HDAC9: variants seen among roughly 807,000 people sequenced by gnomAD.
The protein encoded by HDAC9 is histone deacetylase 9.
A neutral mutation model predicts 139.4 loss-of-function variants in HDAC9; 41 were observed. The observed-to-expected ratio is 0.29, with a 90% CI of 0.23 to 0.38. The LOEUF (loss-of-function observed/expected upper bound fraction) is 0.38. HDAC9 is among the 10% of genes least tolerant of loss of function. The probability of loss-of-function intolerance (pLI) is 1.00; values close to 1 mark genes in which losing one functional copy is unlikely to be tolerated. For synonymous variants in HDAC9, 517 were observed against 476.2 expected, an observed-to-expected ratio of 1.09 and a Z score of -1.12; for missense variants, 1,147 against 1,297.0, an observed-to-expected ratio of 0.88 and a Z score of 1.78.
At chr7:18,149,516 T>C (rs1229907894) in intron 1 of HDAC9, among the ~76,000 whole-genome samples, 1 of 150,258 alleles carries the variant, frequency 6.7e-6, no homozygotes, top group Non-Finnish European at 1.5e-5. Context: ...CCACCATGCA[T>C]GGCTAAGGTT....
chr7:18,151,216 T>G (rs1271324950), intron 1 of HDAC9, among the ~76,000 whole-genome samples: 1 of 152,216 alleles, frequency 6.6e-6, no homozygotes, highest in Admixed American at 6.5e-5. Flanking sequence ...AAAGGTGGCT[T>G]TCTCACTCAG....
chr7:18,416,988 G>A (rs564017295), intron 1 of HDAC9, among the ~76,000 whole-genome samples: 2 of 151,942 alleles, frequency 1.3e-5, no homozygotes, highest in Non-Finnish European at 2.9e-5. Context: ...GAGATTTTTG[G>A]ATGGGTGAGT....
chr7:18,587,868 C>A (rs1338683625), intron 3 of HDAC9, among the ~76,000 whole-genome samples: 1 of 152,178 alleles, frequency 6.6e-6, no homozygotes, highest in Non-Finnish European at 1.5e-5. Flanking sequence ...AAATTGTGTG[C>A]TTTTCTAGAT....
chr7:18,512,185 A>G (rs1413398635), intron 2 of HDAC9, among the ~76,000 whole-genome samples: 1 of 152,178 alleles, frequency 6.6e-6, no homozygotes, highest in Non-Finnish European at 1.5e-5. Context: ...TTAATGGTAA[A>G]ATTAAAATAC....
At chr7:18,131,708 A>T (rs1489009103) in intron 1 of HDAC9, among the ~76,000 whole-genome samples, 1 of 152,160 alleles carries the variant, frequency 6.6e-6, no homozygotes, top group South Asian at 2.1e-4. Context: ...TGATGTTACG[A>T]ACAAGAGAGG....
chr7:18,543,776 A>C, intron 2 of HDAC9: 1 of 152,084 alleles, frequency 6.6e-6, no homozygotes, highest in East Asian at 1.9e-4. Context: ...GATTTTGATC[A>C]GCACCTCAAA....
At chr7:18,421,754 C>G (rs1041270113) in intron 1 of HDAC9, among the ~76,000 whole-genome samples, 1 of 152,174 alleles carries the variant, frequency 6.6e-6, no homozygotes, top group East Asian at 1.9e-4. Flanking sequence ...GTCTCTTAAC[C>G]TTAGCTCACC....
chr7:18,423,477 A>G (rs748001961), intron 1 of HDAC9, among the ~76,000 whole-genome samples: 10 of 152,260 alleles, frequency 6.6e-5, no homozygotes, highest in Non-Finnish European at 1.5e-4. Context: ...AATAGATTTA[A>G]CGAAGCACTA....
At chr7:18,808,128 C>G (rs79478119) in intron 17 of HDAC9, 1 of 152,094 alleles carries the variant, frequency 6.6e-6, no homozygotes. Flanking sequence ...TATTGAGGAA[C>G]GTCATCCTCT....
At chr7:18,989,858 C>T (rs1399471008) in intron 25 of HDAC9, among the ~76,000 whole-genome samples, 1 of 148,576 alleles carries the variant, frequency 6.7e-6, no homozygotes, top group African/African-American at 2.5e-5. Flanking sequence ...GCTCCTGAGG[C>T]TTCTGCATTC....
intron 21 of HDAC9, among the ~76,000 whole-genome samples, chr7:18,847,417 G>GA (rs543571800): frequency 3.1e-4 from 47 of 151,396 alleles, no homozygotes; most frequent in African/African-American, 9.7e-4. Context: ...ATGATACACT[G>GA]AAAAAAAAGA....
chr7:18,507,403 C>T (rs560148562), intron 2 of HDAC9, among the ~76,000 whole-genome samples: 2 of 151,734 alleles, frequency 1.3e-5, no homozygotes, highest in East Asian at 1.9e-4. Flanking sequence ...CCATGTTAGA[C>T]AGGATGGTCT....
intron 12 of HDAC9, among the ~76,000 whole-genome samples, chr7:18,702,133 G>A (rs1382677441): frequency 2.0e-5 from 3 of 152,150 alleles, no homozygotes; most frequent in Admixed American, 6.5e-5. Flanking sequence ...GTCGGATCTC[G>A]CTGACCCGTG....
At chr7:18,935,968 C>T (rs1781600280) in intron 23 of HDAC9, 26 bp downstream of exon 23, 1 of 1,600,704 alleles carries the variant, frequency 6.2e-7, no homozygotes, top group African/African-American at 1.3e-5. Flanking sequence ...TACAAAGGGG[C>T]AGGGGTAAAG....
intron 16 of HDAC9, among the ~76,000 whole-genome samples, chr7:18,774,113 C>T (rs183319161): frequency 3.6e-4 from 55 of 152,052 alleles, no homozygotes; most frequent in African/African-American, 1.3e-3. Context: ...AAACCCATAG[C>T]TTCTGAGTTT....
chr7:18,407,678 T>G lies in HDAC9; in HGVS notation c.-41-88584T>G, dbSNP rs764950898. ...TGCAAAGCATTTATGAGTTAAATGT[T>G]AGAGCACTAGGATGCACCATTCGAT... On this transcript the variant is annotated intron_variant, in intron 1 of 3. Coordinates refer to the HDAC9 transcript ENST00000413509. 8.2e-4 allele frequency among the ~76,000 whole-genome samples: 125 copies of G among 152,178 alleles called. 8 individuals carry two copies. Among genetic ancestry groups the G allele is most frequent in the Non-Finnish European group, 1.6e-4 (11 of 68,020 alleles).
At chr7:18,478,527 T>C (rs569917079) in intron 1 of HDAC9, among the ~76,000 whole-genome samples, 1 of 152,226 alleles carries the variant, frequency 6.6e-6, no homozygotes, top group African/African-American at 2.4e-5. Flanking sequence ...TTTCTCACTG[T>C]TGATAACAGA....
At chr7:18,280,140 T>C (rs1164277054) in intron 2 of HDAC9, among the ~76,000 whole-genome samples, 3 of 152,260 alleles carry the variant, frequency 2.0e-5, no homozygotes, top group East Asian at 1.9e-4. Context: ...GTGAGACTTA[T>C]GTATAATCAA....
At chr7:18,743,910 T>A (rs201799801) in intron 13 of HDAC9, among the ~76,000 whole-genome samples, 3 of 151,798 alleles carry the variant, frequency 2.0e-5, no homozygotes, top group East Asian at 3.9e-4. Flanking sequence ...TTTAAAAAAA[T>A]TTTTGTGTTT....
Sources: gnomAD v4.1 joint callset for allele counts (sites outside exome capture counted in the v4.1 genomes callset) on GRCh38, gnomAD v4.1.1 for gene constraint, MANE v1.5 for transcripts, NCBI Gene and HGNC (gene_info 2026-07-23, HGNC 2026-07-21) for gene names.